The following MKRN2 variants were observed in gnomAD, a reference collection of about 807,000 sequenced individuals.
The protein encoded by MKRN2 is E3 ubiquitin-protein ligase makorin-2.
A neutral mutation model predicts 45.4 loss-of-function variants in MKRN2; 32 were observed. The observed-to-expected ratio is 0.70, with a 90% CI of 0.53 to 0.95. The LOEUF (loss-of-function observed/expected upper bound fraction) is 0.95, where lower values mean the gene tolerates loss of function less well. Ranked by LOEUF, MKRN2 falls within the 40% of genes least tolerant of loss-of-function variation. The pLI is 0.00. For missense variants in MKRN2, 526 were observed against 536.7 expected, an observed-to-expected ratio of 0.98 and a Z score of 0.20; for synonymous variants, 206 against 192.4, an observed-to-expected ratio of 1.07 and a Z score of -0.59.
At position 12,583,094 on chromosome 3, in the gene MKRN2, T is replaced by A. The variant is rs2058197936; in HGVS notation, c.*841T>A. 1 of 152,352 alleles carries A rather than the reference T, an allele frequency of 6.6e-6. No individual in the cohort carries two copies. The highest frequency in any genetic ancestry group is 2.4e-5 in the African/African-American group (1 of 41,584). 9.4% of individuals were successfully genotyped at this position (152,352 alleles called of 1,614,324 possible). Reference sequence around the variant, plus strand: ...ACTCAAATATACGTGCACTTACATGTGTGGTTCGTACTCAAGTGATCTATT... The same window carrying A: ...ACTCAAATATACGTGCACTTACATGAGTGGTTCGTACTCAAGTGATCTATT... On this transcript the variant is annotated 3_prime_UTR_variant, in exon 8 of 8. Transcript: ENST00000170447.
At chr3:12,581,674 C>T (rs2058179506) in intron 6 of MKRN2, 134 bp from the exon 7 acceptor site, 1 of 946,374 alleles carries the variant, frequency 1.1e-6, no homozygotes, top group Non-Finnish European at 1.6e-6. Context: ...CTCTCCCAGC[C>T]TCAGCTGCCC....
At position 12,575,053 on chromosome 3, in the gene MKRN2, G is replaced by A. The variant is rs199545907; in HGVS notation, c.857+47G>A. On this transcript the variant is annotated intron_variant, in intron 5 of 7. Coordinates refer to ENST00000170447, the MANE Select transcript of MKRN2 (RefSeq NM_014160.5). The stretch of plus-strand genomic sequence containing the variant: ...AGCTGTGGGAGCTAGGAGAATGTTT[G>A]ATTTGAGACTTTATTCCGTCCACTT... 9 of 1,553,050 alleles carry A rather than the reference G, an allele frequency of 5.8e-6. No individual in the cohort carries two copies. The East Asian group carries it at 2.0e-4, about 35-fold the overall frequency.
At chr3:12,563,922 A>C (rs1470389052) in intron 1 of MKRN2, among the ~76,000 whole-genome samples, 5 of 150,434 alleles carry the variant, frequency 3.3e-5, no homozygotes, top group African/African-American at 1.2e-4. Context: ...ACGGGTGTGC[A>C]AATGTTTGTT....
intron 1 of MKRN2, among the ~76,000 whole-genome samples, chr3:12,558,283 C>T (rs1043373930): frequency 6.6e-6 from 1 of 152,126 alleles, no homozygotes; most frequent in Non-Finnish European, 1.5e-5. Flanking sequence ...AAATTTGCAC[C>T]TAGTGTCTAT....
At chr3:12,557,548 G>A (rs1299356720) in intron 1 of MKRN2, among the ~76,000 whole-genome samples, 1 of 152,238 alleles carries the variant, frequency 6.6e-6, no homozygotes. Context: ...GACGCCGAGA[G>A]GACGGTTACA....
Position 12,572,136 on chromosome 3 carries a change from C to T in MKRN2, c.405C>T (p.Asp135=). 6.2e-7 allele frequency: 1 copy of T among 1,614,004 alleles called. No homozygotes were observed. The highest frequency in any genetic ancestry group is 1.3e-5 in the African/African-American group (1 of 74,996). Reference sequence around the variant, plus strand: ...TGAGTAATCCAGGCAGCTGCAGCGACCCCCAGCCCAGCCCCGAGATGAAGC... The same window carrying T: ...TGAGTAATCCAGGCAGCTGCAGCGATCCCCAGCCCAGCCCCGAGATGAAGC... ...SMVSNPGSCS[D]PQPSPEMKPH... The change falls in exon 4 of 8, where the codon GAC becomes GAT. Residue 135 remains aspartate (D), a synonymous_variant. Coordinates refer to ENST00000170447, the MANE Select transcript of MKRN2 (RefSeq NM_014160.5).
At chr3:12,566,864 A>G (rs952977374) in intron 1 of MKRN2, among the ~76,000 whole-genome samples, 1 of 152,062 alleles carries the variant, frequency 6.6e-6, no homozygotes, top group African/African-American at 2.4e-5. Context: ...CAGTCTCCCA[A>G]AGCGCTGGGA....
chr3:12,572,439 A>C, intron 4 of MKRN2, 66 bp downstream of exon 4: 2 of 1,425,520 alleles, frequency 1.4e-6, no homozygotes, highest in Non-Finnish European at 1.9e-6. Flanking sequence ...CAGGACACGG[A>C]AGGCCATCCA....
intron 5 of MKRN2, 75 bp from the exon 6 acceptor site, chr3:12,576,556 G>T: frequency 9.8e-7 from 1 of 1,024,722 alleles, no homozygotes. Context: ...AGGCAGTTGA[G>T]CAAGAGGTTT....
chr3:12,572,209 G>A lies in MKRN2; in HGVS notation c.478G>A (p.Ala160Thr). Residue 160 changes from alanine to threonine, a missense_variant, in exon 4 of 8, where the codon GCC becomes ACC. Transcript: ENST00000170447. ...CAGGAGTGGCCTTGATGACGTGGAG[G>A]CCAGCAGCTCCTACAGCAACGAGCA... is the stretch of plus-strand genomic sequence containing the variant. ...AIRSGLDDVEASSSYSNEQQL... is the reference protein window; with the variant it reads ...AIRSGLDDVETSSSYSNEQQL... 1 of 1,614,122 alleles carries A rather than the reference G, an allele frequency of 6.2e-7. No homozygotes were observed. The highest frequency in any genetic ancestry group is 8.5e-7 in the Non-Finnish European group (1 of 1,180,018).
intron 4 of MKRN2, among the ~76,000 whole-genome samples, chr3:12,573,870 A>G (rs2125305337): frequency 6.6e-6 from 1 of 151,874 alleles, no homozygotes; most frequent in South Asian, 2.1e-4. Flanking sequence ...TCCAGCCTGG[A>G]CGACAGAGAG....
intron 1 of MKRN2, among the ~76,000 whole-genome samples, chr3:12,559,650 G>A (rs143131513): frequency 6.6e-6 from 1 of 152,078 alleles, no homozygotes; most frequent in Non-Finnish European, 1.5e-5. Context: ...TGCCTGGAGT[G>A]GTAAAAATGA....
At chr3:12,562,118 C>A (rs961597871) in intron 1 of MKRN2, among the ~76,000 whole-genome samples, 5 of 152,124 alleles carry the variant, frequency 3.3e-5, no homozygotes, top group African/African-American at 1.2e-4. Flanking sequence ...AATGAAAATG[C>A]AGCAACATGT....
At chr3:12,569,988 A>T in intron 2 of MKRN2, 83 bp from the exon 3 acceptor site, 1 of 1,330,176 alleles carries the variant, frequency 7.5e-7, no homozygotes, top group Non-Finnish European at 1.0e-6. Context: ...GTGCAGCAGA[A>T]GGAGGGCCAT....
In MKRN2 at chr3:12,557,143, C is replaced by A. The variant is rs1260365926; in HGVS notation, c.-8C>A. On this transcript the variant is annotated 5_prime_UTR_variant, in exon 1 of 8. Transcript: ENST00000170447. ...GCGGCACGACGACGGTCCCTCAGCC[C>A]AGCCACCATGAGCACCAAGCAGATC... The A allele has an allele frequency of 3.9e-6, 6 of 1,522,700 alleles. No individual in the cohort carries two copies. Among genetic ancestry groups the A allele is most frequent in the Admixed American group, 2.1e-5 (1 of 48,688 alleles). The allele number at this position is 1,522,700 out of a possible 1,614,324, so 94.3% of individuals were successfully genotyped here.
At chr3:12,572,884 C>T (rs1250004447) in intron 4 of MKRN2, among the ~76,000 whole-genome samples, 1 of 152,126 alleles carries the variant, frequency 6.6e-6, no homozygotes, top group Non-Finnish European at 1.5e-5. Flanking sequence ...CATGCCCGGC[C>T]TATTTTGCCA....
chr3:12,583,590 ACAGC>A lies in MKRN2; in HGVS notation c.*1344_*1347del, dbSNP rs1279558157. 1.4e-4 allele frequency: 33 copies of A among 228,526 alleles called. No individual in the cohort carries two copies. The highest frequency in any genetic ancestry group is 6.9e-4 in the African/African-American group (31 of 45,168). 14.2% of individuals were successfully genotyped at this position (228,526 alleles called of 1,614,324 possible). A position where few individuals can be genotyped will look rare whatever the true frequency, so the allele number is the denominator to read the frequency against. On this transcript the variant is annotated 3_prime_UTR_variant, in exon 8 of 8. Transcript: ENST00000170447. ...CTCAGAATTACTTTAAAAGGAGGTA[ACAGC>A]CAGCCATTACACCTAAATTTAATTT...
At chr3:12,567,553 A>T (rs183499919) in intron 1 of MKRN2, among the ~76,000 whole-genome samples, 2 of 145,090 alleles carry the variant, frequency 1.4e-5, no homozygotes, top group East Asian at 2.0e-4. Context: ...CAATGGCGCA[A>T]TCTCGGCTCA....
chr3:12,574,982 A>G lies in MKRN2; in HGVS notation c.833A>G (p.Lys278Arg), dbSNP rs765541282. ...LSCIRQWRCAKQFENPIIKSC... is the reference protein window; with the variant it reads ...LSCIRQWRCARQFENPIIKSC... ...TGCATCCGGCAGTGGCGGTGTGCCA[A>G]ACAGTTTGAAAACCCAATCATTAAG... The change falls in exon 5 of 8, where the codon AAA becomes AGA. Residue 278 changes from lysine to arginine, a missense_variant. Lys to Arg is a conservative substitution (Grantham distance 26, BLOSUM62 2). Transcript: ENST00000170447. 1.9e-6 allele frequency: 3 copies of G among 1,614,196 alleles called. No homozygotes were observed. The highest frequency in any genetic ancestry group is 2.2e-5 in the East Asian group (1 of 44,888).
Sources: gnomAD v4.1 joint callset for allele counts (sites outside exome capture counted in the v4.1 genomes callset) on GRCh38, gnomAD v4.1.1 for gene constraint, MANE v1.5 for transcripts, NCBI Gene and HGNC (gene_info 2026-07-23, HGNC 2026-07-21) for gene names.